BCAS3: variants seen among roughly 807,000 people sequenced by gnomAD.
The protein encoded by BCAS3 is BCAS4/BCAS3 fusion.
Under a neutral mutation model 116.1 loss-of-function variants are expected in BCAS3, and 53 were observed. The observed-to-expected ratio is 0.46, with a 90% CI of 0.37 to 0.57. BCAS3 has a LOEUF of 0.57. BCAS3 is among the 20% of genes least tolerant of loss of function. BCAS3 has a pLI of 0.00. For synonymous variants in BCAS3, 391 were observed against 408.2 expected (o/e 0.96, Z 0.51); for missense variants, 917 against 1,165.4 (o/e 0.79, Z 3.10).
chr17:61,187,064 G>GA (rs1290617704), intron 22 of BCAS3, among the ~76,000 whole-genome samples: 1 of 151,868 alleles, frequency 6.6e-6, no homozygotes, highest in Non-Finnish European at 1.5e-5. Flanking sequence ...TTGAGTAGGG[G>GA]AAAAAAATGA....
chr17:60,866,473 G>C (rs530928324), intron 7 of BCAS3, among the ~76,000 whole-genome samples: 1 of 152,148 alleles, frequency 6.6e-6, no homozygotes, highest in African/African-American at 2.4e-5. Context: ...ATATTTATGA[G>C]ACATATAGAT....
chr17:61,103,910 G>A (rs1166840782), intron 22 of BCAS3, among the ~76,000 whole-genome samples: 2 of 152,072 alleles, frequency 1.3e-5, no homozygotes, highest in Non-Finnish European at 1.5e-5. Context: ...ATAGTCTTTC[G>A]CCTGGGTGAG....
At chr17:61,025,149 A>G (rs759959288) in intron 16 of BCAS3, among the ~76,000 whole-genome samples, 2 of 152,124 alleles carry the variant, frequency 1.3e-5, no homozygotes, top group Non-Finnish European at 2.9e-5. Context: ...CTCACTATTC[A>G]GTTGAGAGAT....
intron 6 of BCAS3, among the ~76,000 whole-genome samples, chr17:60,780,492 G>A (rs949692288): frequency 1.6e-4 from 24 of 151,862 alleles, no homozygotes; most frequent in Non-Finnish European, 2.8e-4. Flanking sequence ...TAATAGAGAC[G>A]GGGTTTCACT....
rs2048187955 is a variant in BCAS3 at position 61,249,178 on chromosome 17, T to A, written c.2426-119149T>A. ...GGCGGGTGCCTGTAATCCCAGCTAC[T>A]CGGGAGGCTGAGGCAGGAGAATCAC... On this transcript the variant is annotated intron_variant, in intron 22 of 23. Coordinates refer to ENST00000407086, the MANE Select transcript of BCAS3 (RefSeq NM_017679.5). This position sits in a 1 kb window ranked among gnomAD's most constrained non-coding sequence, Gnocchi z 6.2. Among the ~76,000 whole-genome samples the A allele has an allele frequency of 6.6e-6, 1 of 151,982 alleles. No individual in the cohort carries two copies. The highest frequency in any genetic ancestry group is 6.6e-5 in the Admixed American group (1 of 15,252).
chr17:60,924,573 T>C (rs1193545885), intron 13 of BCAS3, 73 bp downstream of exon 13: 1 of 1,114,756 alleles, frequency 9.0e-7, no homozygotes. Context: ...CAGCCAAATA[T>C]GGAATATGGA....
In BCAS3 at chr17:61,378,230, C is replaced by G. The variant is rs189830898; in HGVS notation, c.2593+9736C>G. 4 of 152,450 alleles carry G rather than the reference C, an allele frequency of 2.6e-5. No homozygotes were observed. Among genetic ancestry groups the G allele is most frequent in the Non-Finnish European group, 5.9e-5 (4 of 68,128 alleles). 9.4% of individuals were successfully genotyped at this position (152,450 alleles called of 1,614,324 possible). A position where few individuals can be genotyped will look rare whatever the true frequency, so the allele number is the denominator to read the frequency against. On this transcript the variant is annotated intron_variant, in intron 23 of 23. Transcript: ENST00000407086. This position sits in a 1 kb window ranked among gnomAD's most constrained non-coding sequence, Gnocchi z 5.8. ...TGCCAATATAGGATCCCAGCATCCC[C>G]AGCATGCACCCTGTTACCTGGCCCT...
At chr17:61,260,795 C>T (rs894217941) in intron 22 of BCAS3, among the ~76,000 whole-genome samples, 1 of 152,138 alleles carries the variant, frequency 6.6e-6, no homozygotes, top group Non-Finnish European at 1.5e-5. Context: ...TTAATAACAA[C>T]GCCTATAGGA....
chr17:60,678,578 C>T (rs1219455358), intron 1 of BCAS3, among the ~76,000 whole-genome samples: 1 of 152,114 alleles, frequency 6.6e-6, no homozygotes, highest in Non-Finnish European at 1.5e-5. Flanking sequence ...GGGTAAAGGG[C>T]TGTAACAACG....
In BCAS3 at chr17:61,276,199, A is replaced by G. The variant is rs987861780; in HGVS notation, c.2426-92128A>G. Among the ~76,000 whole-genome samples the G allele has an allele frequency of 4.6e-5, 7 of 152,088 alleles. No individual in the cohort carries two copies. The highest frequency in any genetic ancestry group is 1.4e-4 in the African/African-American group (6 of 41,418). On this transcript the variant is annotated intron_variant, in intron 22 of 23. Transcript: ENST00000407086. This position sits in a 1 kb window ranked among gnomAD's most constrained non-coding sequence, Gnocchi z 4.2. ...CCCCATTTCTACTAAAGATACATTA[A>G]AAAATTAGCCAGGCATGGTGGTGAG...
intron 22 of BCAS3, among the ~76,000 whole-genome samples, chr17:61,267,617 ATCC>A (rs141486772): frequency 0.059 from 8,802 of 148,736 alleles, 262 homozygotes; most frequent in East Asian, 0.093. Flanking sequence ...TGTGCCTGTA[ATCC>A]TCCTGGATTA....
rs1391141355 is a variant in BCAS3 at position 61,258,880 on chromosome 17, A to G, written c.2426-109447A>G. Among the ~76,000 whole-genome samples the G allele has an allele frequency of 2.6e-5, 4 of 152,232 alleles. No homozygotes were observed. Among genetic ancestry groups the G allele is most frequent in the Non-Finnish European group, 1.5e-5 (1 of 68,032 alleles). On this transcript the variant is annotated intron_variant, in intron 22 of 23. Coordinates refer to ENST00000407086, the MANE Select transcript of BCAS3 (RefSeq NM_017679.5). The surrounding 1 kb of genome is among the most constrained non-coding windows in gnomAD (Gnocchi z 4.7). The stretch of plus-strand genomic sequence containing the variant: ...TCGTAATTCCCCAAGATAAGATTTT[A>G]CCGTCCCTCTTAATTTTATTAATCC...
intron 4 of BCAS3, among the ~76,000 whole-genome samples, chr17:60,707,814 G>A (rs538592613): frequency 2.7e-4 from 40 of 149,232 alleles, no homozygotes; most frequent in Non-Finnish European, 4.4e-4. Flanking sequence ...TGATTTTTCC[G>A]ATGTTAAACC....
chr17:61,255,418 T>C (rs907328319), intron 22 of BCAS3, among the ~76,000 whole-genome samples: 1 of 152,220 alleles, frequency 6.6e-6, no homozygotes, highest in African/African-American at 2.4e-5. Context: ...CATCACACTT[T>C]CCTACATTTC....
In BCAS3 at chr17:61,019,465, A is replaced by G. The variant is rs1178121012; in HGVS notation, c.1637+3564A>G. Among the ~76,000 whole-genome samples, 2 of 152,124 alleles carry G rather than the reference A, an allele frequency of 1.3e-5. No individual in the cohort carries two copies. Among genetic ancestry groups the G allele is most frequent in the Non-Finnish European group, 2.9e-5 (2 of 68,036 alleles). The stretch of plus-strand genomic sequence containing the variant: ...AAGTTATCTAAAACATTTAATCATA[A>G]AGTTTTCAGAATATAATATATGGTT... On this transcript the variant is annotated intron_variant, in intron 16 of 23. Coordinates refer to ENST00000407086, the MANE Select transcript of BCAS3 (RefSeq NM_017679.5). This position sits in a 1 kb window ranked among gnomAD's most constrained non-coding sequence, Gnocchi z 5.6.
chr17:61,135,579 G>A (rs778319211), intron 22 of BCAS3, among the ~76,000 whole-genome samples: 5 of 152,146 alleles, frequency 3.3e-5, no homozygotes, highest in Non-Finnish European at 5.9e-5. Context: ...TTGTCACCTT[G>A]AGGTCCTGTG....
At chr17:61,047,022 G>A (rs779086908) in intron 19 of BCAS3, among the ~76,000 whole-genome samples, 2 of 151,762 alleles carry the variant, frequency 1.3e-5, no homozygotes, top group African/African-American at 2.4e-5. Context: ...TGGCAAAAAG[G>A]GTGGCTTGTG....
At chr17:61,067,273 G>GTGTA (rs1251223420) in intron 19 of BCAS3, among the ~76,000 whole-genome samples, 98 of 58,794 alleles carry the variant, frequency 1.7e-3, no homozygotes, top group Admixed American at 2.1e-3. Flanking sequence ...GTGTGTATGT[G>GTGTA]TATATATATA....
rs1169073674 is a variant in BCAS3, at chr17:61,186,669, C to G, written c.2425+102105C>G. ...AAAAATCCTTTCTCCCTTCCCTGCC[C>G]CCAGCCACCCAGTTTCTCTGTTTAG... On this transcript the variant is annotated intron_variant, in intron 22 of 23. Coordinates refer to ENST00000407086, the MANE Select transcript of BCAS3 (RefSeq NM_017679.5). This position sits in a 1 kb window ranked among gnomAD's most constrained non-coding sequence, Gnocchi z 4.9. Among the ~76,000 whole-genome samples the G allele has an allele frequency of 6.6e-6, 1 of 152,048 alleles. No individual in the cohort carries two copies. Among genetic ancestry groups the G allele is most frequent in the East Asian group, 1.9e-4 (1 of 5,202 alleles).
Sources: gnomAD v4.1 joint callset for allele counts (sites outside exome capture counted in the v4.1 genomes callset) on GRCh38, gnomAD v4.1.1 for gene constraint, Gnocchi (gnomAD v3.1) non-coding constraint, MANE v1.5 for transcripts, NCBI Gene and HGNC (gene_info 2026-07-23, HGNC 2026-07-21) for gene names.